Variants in MTRR observed in about 807,000 individuals in gnomAD.
MTRR encodes the protein methionine synthase reductase.
MTRR carries 63 observed loss-of-function variants against 79.2 expected under a neutral mutation model. That is an observed-to-expected ratio of 0.80 (90% confidence interval 0.65 to 0.98). The LOEUF (loss-of-function observed/expected upper bound fraction) is 0.98, where lower values mean the gene tolerates loss of function less well. MTRR is among the 50% of genes least tolerant of loss of function. The probability of loss-of-function intolerance (pLI) is 0.00; values close to 1 mark genes in which losing one functional copy is unlikely to be tolerated. For missense variants in MTRR, 895 were observed against 839.6 expected, an observed-to-expected ratio of 1.07 and a Z score of -0.82; for synonymous variants, 355 against 313.3, an observed-to-expected ratio of 1.13 and a Z score of -1.41.
In MTRR at chr5:7,883,069, G is replaced by T. The variant is rs1032977098; in HGVS notation, c.781-86G>T. On this transcript the variant is annotated intron_variant, in intron 5 of 14. Transcript: ENST00000440940. ...ACTGAGTAGCCAGGAAGTTTTGTAAGCCCCTGTGGATCTTGCGTAGTCACT... is the reference window on the plus strand; with the variant it reads ...ACTGAGTAGCCAGGAAGTTTTGTAATCCCCTGTGGATCTTGCGTAGTCACT... 27 of 1,577,724 alleles carry T rather than the reference G, an allele frequency of 1.7e-5. No homozygotes were observed. In the African/African-American group the frequency reaches 3.6e-4, roughly 21 times the overall value.
chr5:7,888,467 C>A (rs1736987885), intron 8 of MTRR, among the ~76,000 whole-genome samples: 1 of 152,164 alleles, frequency 6.6e-6, no homozygotes, highest in East Asian at 1.9e-4. Context: ...TTGGGGCGTC[C>A]ATTCAGCAGT....
Position 7,863,216 on chromosome 5 carries a change from T to C in MTRR, n.498+1159T>C, listed in dbSNP as rs139874655. 6.7e-4 allele frequency: 347 copies of C among 517,504 alleles called. 1 individual carries two copies. The highest frequency in any genetic ancestry group is 6.5e-3 in the African/African-American group (332 of 51,394). The allele number at this position is 517,504 out of a possible 1,614,324, so 32.1% of individuals were successfully genotyped here. A position where few individuals can be genotyped will look rare whatever the true frequency, so the allele number is the denominator to read the frequency against. ...TCAAAATGTCTTTTATATGTGTTTT[T>C]ACAGTAGTCACTGGTTACCATAAAC... On this transcript the variant is annotated intron_variant and non_coding_transcript_variant, in intron 2 of 3. Transcript: ENST00000502509.
upstream of MTRR, chr5:7,866,047 T>C (rs1746924816): frequency 9.0e-6 from 11 of 1,221,984 alleles, no homozygotes; most frequent in South Asian, 1.3e-4. Flanking sequence ...GAGAACATCA[T>C]GAACATTCAA....
upstream of MTRR, chr5:7,867,017 T>TCTA: frequency 1.9e-6 from 3 of 1,614,162 alleles, no homozygotes; most frequent in Non-Finnish European, 2.5e-6. Context: ...TACACGATGC[T>TCTA]CTAGGGCTTT....
intron 2 of MTRR, among the ~76,000 whole-genome samples, chr5:7,872,666 T>G (rs980977614): frequency 2.0e-5 from 3 of 152,170 alleles, no homozygotes; most frequent in Non-Finnish European, 4.4e-5. Context: ...CATGGCTGGT[T>G]TTATATTTTG....
At chr5:7,896,772 G>T (rs969410708) in intron 12 of MTRR, 92 bp from the exon 13 acceptor site, 5 of 966,984 alleles carry the variant, frequency 5.2e-6, no homozygotes, top group Non-Finnish European at 5.0e-6. Flanking sequence ...TTACAAATCC[G>T]TCTGAGTTTG....
At chr5:7,859,208 A>G (rs1746361313) in intron 1 of MTRR, 1 of 308,426 alleles carries the variant, frequency 3.2e-6, no homozygotes, top group Non-Finnish European at 5.9e-6. Context: ...CACATGATCA[A>G]TTGTTTGATG....
chr5:7,853,105 C>T (rs1425566741), intron 1 of MTRR, among the ~76,000 whole-genome samples: 1 of 152,164 alleles, frequency 6.6e-6, no homozygotes, highest in African/African-American at 2.4e-5. Context: ...TTTGTGTCCC[C>T]ACCTTAATCT....
intron 8 of MTRR, 68 bp downstream of exon 8, chr5:7,886,771 A>G: frequency 7.8e-7 from 1 of 1,283,656 alleles, no homozygotes; most frequent in South Asian, 1.2e-5. Context: ...GATTGATTAA[A>G]CAAATTTAGA....
At chr5:7,872,277 T>C (rs1210820028) in intron 2 of MTRR, 2 of 452,740 alleles carry the variant, frequency 4.4e-6, no homozygotes, top group African/African-American at 4.0e-5. Context: ...ATGGTGTTCA[T>C]GGGCAGTAAA....
intron 5 of MTRR, 130 bp from the exon 6 acceptor site, chr5:7,883,025 A>T: frequency 3.3e-6 from 4 of 1,213,082 alleles, no homozygotes; most frequent in Non-Finnish European, 4.8e-6. Context: ...GCCCTCATTC[A>T]TTTACCTTGG....
chr5:7,858,395 G>A (rs1007189268), intron 1 of MTRR, among the ~76,000 whole-genome samples: 11 of 151,756 alleles, frequency 7.2e-5, no homozygotes, highest in Non-Finnish European at 1.5e-4. Flanking sequence ...TGAGCGGCAA[G>A]GTCAGCTGGG....
At chr5:7,882,295 A>G (rs1015126501) in intron 5 of MTRR, among the ~76,000 whole-genome samples, 1 of 152,216 alleles carries the variant, frequency 6.6e-6, no homozygotes, top group East Asian at 1.9e-4. Flanking sequence ...TGCCTCTGAA[A>G]GGAGGTGTGG....
At chr5:7,875,797 G>A (rs1734450371) in intron 4 of MTRR, among the ~76,000 whole-genome samples, 1 of 152,228 alleles carries the variant, frequency 6.6e-6, no homozygotes, top group African/African-American at 2.4e-5. Context: ...ACAGGTCTGT[G>A]GGCCTTCGCT....
intron 7 of MTRR, among the ~76,000 whole-genome samples, chr5:7,886,288 G>A (rs1359863143): frequency 6.6e-6 from 1 of 151,908 alleles, no homozygotes; most frequent in African/African-American, 2.4e-5. Context: ...TTAGAATCTT[G>A]AAGTAGTCCT....
upstream of MTRR, chr5:7,851,119 G>A (rs191998165): frequency 8.3e-3 from 10,080 of 1,211,342 alleles, 47 homozygotes; most frequent in South Asian, 0.012. Context: ...CAGCGCCAGC[G>A]TCTAGCCCGC....
intron 9 of MTRR, chr5:7,890,168 C>G (rs1737305296): frequency 1.3e-6 from 1 of 756,500 alleles, no homozygotes; most frequent in African/African-American, 1.9e-5. Context: ...GTCCTTTTTA[C>G]TCTTGGGCCA....
chr5:7,865,802 G>T, upstream of MTRR: 1 of 877,072 alleles, frequency 1.1e-6, no homozygotes, highest in Non-Finnish European at 1.8e-6. Flanking sequence ...ATGAAATTCT[G>T]CTTTTTCAGG....
chr5:7,891,165 A>C (rs1369771850), intron 9 of MTRR, among the ~76,000 whole-genome samples: 1 of 152,118 alleles, frequency 6.6e-6, no homozygotes, highest in Non-Finnish European at 1.5e-5. Flanking sequence ...AATGCATCTT[A>C]TCTGGTTTTT....
Sources: allele counts gnomAD v4.1 joint callset (sites outside exome capture counted in the v4.1 genomes callset), GRCh38; gene constraint gnomAD v4.1.1; transcripts MANE v1.5; gene names NCBI Gene and HGNC (gene_info 2026-07-23, HGNC 2026-07-21).